KCNQ2: variants seen among roughly 807,000 people sequenced by gnomAD.
KCNQ2 encodes the protein potassium voltage-gated channel subfamily KQT member 2.
In KCNQ2, 14 loss-of-function variants were observed where a neutral mutation model predicts 84.8. The observed-to-expected ratio is 0.17, with a 90% CI of 0.11 to 0.26. KCNQ2 has a LOEUF of 0.26. KCNQ2 is among the 10% of genes least tolerant of loss of function. The pLI is 1.00. For missense variants in KCNQ2, 788 were observed against 1,254.0 expected, an observed-to-expected ratio of 0.63 and a Z score of 5.61; for synonymous variants, 599 against 554.1, an observed-to-expected ratio of 1.08 and a Z score of -1.14.
At position 63,410,941 on chromosome 20, in the gene KCNQ2, C is replaced by T. The variant is rs113445313; in HGVS notation, c.1764-2405G>A. 916 of 446,642 alleles carry T rather than the reference C, an allele frequency of 2.1e-3. 1 individual carries two copies. The highest frequency in any genetic ancestry group is 4.1e-3 in the Middle Eastern group (12 of 2,908). The allele number at this position is 446,642 out of a possible 1,614,324, so 27.7% of individuals were successfully genotyped here. ...TCAGCCAATCAGACTTGCCAGAAGA[C>T]AGGGAACCACCGTCATCTGAATAGT... On this transcript the variant is annotated intron_variant, in intron 15 of 16. Coordinates refer to ENST00000359125, the MANE Select transcript of KCNQ2 (RefSeq NM_172107.4).
At chr20:63,450,444 T>C (rs1271960496) in intron 1 of KCNQ2, among the ~76,000 whole-genome samples, 4 of 107,202 alleles carry the variant, frequency 3.7e-5, no homozygotes, top group African/African-American at 1.4e-4. Flanking sequence ...TGTGGGACGC[T>C]GTGGCTGCCC....
intron 15 of KCNQ2, 76 bp downstream of exon 15, chr20:63,413,374 A>G (rs1371191218): frequency 6.3e-7 from 1 of 1,580,474 alleles, no homozygotes; most frequent in East Asian, 2.3e-5. Context: ...CACTCCCACC[A>G]TGGGCCACAG....
Position 63,465,042 on chromosome 20 carries a change from G to C in KCNQ2, c.296+7126C>G, listed in dbSNP as rs563489364. ...TCCTCCTGGAAATGTCGACCCCAAA[G>C]CTCTCACTGGGAAACCTCTGGCCTG... On this transcript the variant is annotated intron_variant, in intron 1 of 16. Coordinates refer to ENST00000359125, the MANE Select transcript of KCNQ2 (RefSeq NM_172107.4). Among the ~76,000 whole-genome samples, 99 of 152,342 alleles carry C rather than the reference G, an allele frequency of 6.5e-4. 2 individuals carry two copies. The highest frequency in any genetic ancestry group is 2.3e-3 in the African/African-American group (95 of 41,584).
chr20:63,442,268 G>T, intron 5 of KCNQ2, 138 bp downstream of exon 5: 1 of 874,858 alleles, frequency 1.1e-6, no homozygotes, highest in Non-Finnish European at 1.6e-6. Flanking sequence ...TCGACCACAA[G>T]CCATCATGAC....
chr20:63,440,926 C>T (rs1449529006), intron 5 of KCNQ2, among the ~76,000 whole-genome samples: 1 of 151,330 alleles, frequency 6.6e-6, no homozygotes, highest in Non-Finnish European at 1.5e-5. Context: ...GGCCTCAGCC[C>T]TCTACACAAT....
Position 63,405,172 on chromosome 20 carries a change from G to C in KCNQ2, c.*1472C>G, listed in dbSNP as rs533464181. The C allele has an allele frequency of 6.6e-6, 1 of 152,342 alleles. No homozygotes were observed. Among genetic ancestry groups the C allele is most frequent in the African/African-American group, 2.4e-5 (1 of 41,440 alleles). 9.4% of individuals were successfully genotyped at this position (152,342 alleles called of 1,614,324 possible). ...CTGAAAACGCAGGTGGAGGAGAAAC[G>C]GGCCCAGGACTCCCCTGCACTTGCT... On this transcript the variant is annotated 3_prime_UTR_variant, in exon 17 of 17. Coordinates refer to ENST00000359125, the MANE Select transcript of KCNQ2 (RefSeq NM_172107.4).
intron 10 of KCNQ2, 35 bp downstream of exon 10, chr20:63,428,332 C>T (rs368230028): frequency 1.4e-4 from 216 of 1,516,184 alleles, no homozygotes; most frequent in South Asian, 1.8e-4. Context: ...AGGACTGAGA[C>T]GCCCACCCGC....
intron 2 of KCNQ2, chr20:63,445,992 A>G (rs56073143): frequency 0.027 from 282 of 10,264 alleles, 7 homozygotes; most frequent in South Asian, 0.049. Context: ...GAGCTGGGGG[A>G]CCCTGTCTGA....
At chr20:63,468,140 A>G (rs1214496688) in intron 1 of KCNQ2, among the ~76,000 whole-genome samples, 1 of 152,220 alleles carries the variant, frequency 6.6e-6, no homozygotes, top group Admixed American at 6.5e-5. Context: ...GAGACCTCCC[A>G]AGGGGTCCAG....
intron 11 of KCNQ2, chr20:63,423,772 T>G (rs1440521146): frequency 4.0e-6 from 1 of 249,064 alleles, no homozygotes; most frequent in Non-Finnish European, 7.8e-6. Context: ...AGAGGCCCAC[T>G]TGGAGCTTTC....
chr20:63,468,996 G>C (rs1237671886), intron 1 of KCNQ2, among the ~76,000 whole-genome samples: 1 of 152,248 alleles, frequency 6.6e-6, no homozygotes, highest in African/African-American at 2.4e-5. Flanking sequence ...ACTGAGGTCC[G>C]CACCCAGCGG....
intron 11 of KCNQ2, among the ~76,000 whole-genome samples, chr20:63,420,300 G>A (rs755283912): frequency 7.9e-5 from 12 of 152,234 alleles, no homozygotes; most frequent in Non-Finnish European, 1.3e-4. Context: ...GCTCCCCGCC[G>A]GGGCGTTCCT....
Position 63,445,695 on chromosome 20 carries a change from C to T in KCNQ2, c.388-331G>A, listed in dbSNP as rs187248352. ...CCCTGTCTGAGCTAGGGGGTTCTAT[C>T]TGGGCTAGGGAACCCTGTCTGAGCT... On this transcript the variant is annotated intron_variant, in intron 2 of 16. Coordinates refer to ENST00000359125, the MANE Select transcript of KCNQ2 (RefSeq NM_172107.4). 11 of 405,442 alleles carry T rather than the reference C, an allele frequency of 2.7e-5. No homozygotes were observed. The East Asian group carries it at 6.6e-4, about 25-fold the overall frequency. The allele number at this position is 405,442 out of a possible 1,614,324, so 25.1% of individuals were successfully genotyped here.
At chr20:63,444,932 G>T in intron 3 of KCNQ2, 98 bp from the exon 4 acceptor site, 1 of 1,340,382 alleles carries the variant, frequency 7.5e-7, no homozygotes, top group Non-Finnish European at 1.0e-6. Flanking sequence ...TGTGCAGAGG[G>T]GCGGGAAGGT....
Position 63,442,511 on chromosome 20 carries a change from G to A in KCNQ2, c.711C>T (p.Tyr237=). Residue 237 remains tyrosine (Y), a synonymous_variant, in exon 5 of 17, where the codon TAC becomes TAT. Coordinates refer to ENST00000359125, the MANE Select transcript of KCNQ2 (RefSeq NM_172107.4). ...AHSKELVTAW[Y]IGFLCLILAS... is the part of the protein sequence containing the mutation. The stretch of plus-strand genomic sequence containing the variant: ...CCAGGATGAGACAAAGGAAGCCGAT[G>A]TACCAGGCAGTGACCAGCTCCTGAG... 1 of 1,613,452 alleles carries A rather than the reference G, an allele frequency of 6.2e-7. No individual in the cohort carries two copies. The highest frequency in any genetic ancestry group is 8.5e-7 in the Non-Finnish European group (1 of 1,179,890).
chr20:63,419,782 C>A, intron 11 of KCNQ2, 110 bp from the exon 12 acceptor site: 3 of 995,424 alleles, frequency 3.0e-6, no homozygotes, highest in Non-Finnish European at 4.7e-6. Context: ...CAGTCCCCAG[C>A]GGCAGAGCTT....
At position 63,472,447 on chromosome 20, in the gene KCNQ2, C is replaced by A. The variant is rs866843916; in HGVS notation, c.17G>T (p.Arg6Leu). The change falls in exon 1 of 17, where the codon CGC (arginine) becomes CTC (leucine). Residue 6 changes from arginine to leucine, a missense_variant. This residue lies in a region of KCNQ2 where 41 missense variants were observed against 41.2 expected (regional missense o/e 0.99). Coordinates refer to ENST00000359125, the MANE Select transcript of KCNQ2 (RefSeq NM_172107.4). ...CGGGCCGGGGTATACGCCGCCGTTG[C>A]GCGACTTCTGCACCATGGTGCCTGG... MVQKS[R>L]NGGVYPGPSG... 2.0e-6 allele frequency: 3 copies of A among 1,531,722 alleles called. No individual in the cohort carries two copies. Among genetic ancestry groups the A allele is most frequent in the Non-Finnish European group, 2.6e-6 (3 of 1,146,280 alleles). The allele number at this position is 1,531,722 out of a possible 1,614,324, so 94.9% of individuals were successfully genotyped here.
Position 63,460,285 on chromosome 20 carries a change from G to T in KCNQ2, c.296+11883C>A, listed in dbSNP as rs1341885835. On this transcript the variant is annotated intron_variant, in intron 1 of 16. Coordinates refer to ENST00000359125, the MANE Select transcript of KCNQ2 (RefSeq NM_172107.4). This position sits in a 1 kb window ranked among gnomAD's most constrained non-coding sequence, Gnocchi z 5.4. Reference sequence around the variant, plus strand: ...GCTTCATGAGGTCCCAGGGGAGCTGGGGTGGAGAGGGGCTCCCCCCACCCT... The same window carrying T: ...GCTTCATGAGGTCCCAGGGGAGCTGTGGTGGAGAGGGGCTCCCCCCACCCT... 6.6e-6 allele frequency among the ~76,000 whole-genome samples: 1 copy of T among 152,138 alleles called. No individual in the cohort carries two copies. The highest frequency in any genetic ancestry group is 2.4e-5 in the African/African-American group (1 of 41,428).
intron 2 of KCNQ2, 143 bp from the exon 3 acceptor site, chr20:63,445,507 C>CAAAGGG: frequency 3.8e-5 from 32 of 844,582 alleles, no homozygotes; most frequent in Non-Finnish European, 4.8e-5. Flanking sequence ...GCTGACCCCC[C>CAAAGGG]CACCCCTCTC....
Sources: allele counts gnomAD v4.1 joint callset (sites outside exome capture counted in the v4.1 genomes callset), GRCh38; gene constraint gnomAD v4.1.1; regional missense constraint gnomAD v4.1.1; non-coding constraint Gnocchi (gnomAD v3.1); transcripts MANE v1.5; gene names NCBI Gene and HGNC (gene_info 2026-07-23, HGNC 2026-07-21).